The following SEC22B variants were observed in gnomAD, a reference collection of about 807,000 sequenced individuals.
The protein encoded by SEC22B is SEC22 homolog B, vesicle trafficking protein, also known as vesicle-trafficking protein SEC22b.
In SEC22B, 10 loss-of-function variants were observed where a neutral mutation model predicts 31.4. The ratio of observed to expected loss-of-function variants is 0.32; its 90% CI spans 0.20 to 0.54. The LOEUF (loss-of-function observed/expected upper bound fraction) is 0.54. Ranked by LOEUF, SEC22B falls within the 20% of genes least tolerant of loss-of-function variation. The probability of loss-of-function intolerance (pLI) is 0.94; values close to 1 mark genes in which losing one functional copy is unlikely to be tolerated. For missense variants in SEC22B, 130 were observed against 263.4 expected, an observed-to-expected ratio of 0.49 and a Z score of 3.50; for synonymous variants, 60 against 95.9, an observed-to-expected ratio of 0.63 and a Z score of 2.19.
intron 1 of SEC22B, among the ~76,000 whole-genome samples, chr1:120,171,822 TTATG>T (rs1319635573): frequency 6.9e-6 from 1 of 143,902 alleles, no homozygotes; most frequent in Non-Finnish European, 1.5e-5. Flanking sequence ...CATTTTGCTT[TTATG>T]TATTTACTGA....
At chr1:120,168,401 G>C (rs1206188206) in intron 2 of SEC22B, among the ~76,000 whole-genome samples, 1 of 151,894 alleles carries the variant, frequency 6.6e-6, no homozygotes, top group Non-Finnish European at 1.5e-5. Context: ...TCCCATGTGT[G>C]TCAGACAAGA....
chr1:120,166,728 G>A (rs1306232013), intron 2 of SEC22B, among the ~76,000 whole-genome samples: 5 of 149,938 alleles, frequency 3.3e-5, no homozygotes, highest in Admixed American at 3.3e-4. Context: ...CTGCAGAACT[G>A]TAGGGTGAAT....
chr1:120,176,104 A>G (rs1657956437), intron 1 of SEC22B, among the ~76,000 whole-genome samples: 2 of 152,238 alleles, frequency 1.3e-5, no homozygotes, highest in Non-Finnish European at 2.9e-5. Context: ...AACAGCTAAC[A>G]CAAAAAACTT....
rs1213284888 is a variant in SEC22B at position 120,163,571 on chromosome 1, C to CT, written c.186-202dup. On this transcript the variant is annotated intron_variant, in intron 2 of 4. Transcript: ENST00000578049. ...ATCTTCCCATTATTAGATGTATATTCTTTTTTTTTTCTTTTTTTTTTTGAG... is the reference window on the plus strand; with the variant it reads ...ATCTTCCCATTATTAGATGTATATTCTTTTTTTTTTTCTTTTTTTTTTTGAG... 3.1e-4 allele frequency among the ~76,000 whole-genome samples: 32 copies of CT among 102,574 alleles called. 6 individuals are homozygous for CT. The highest frequency in any genetic ancestry group is 1.4e-3 in the Admixed American group (17 of 11,836). The allele number at this position is 102,574 out of a possible 152,430, so 67.3% of individuals were successfully genotyped here.
intron 1 of SEC22B, among the ~76,000 whole-genome samples, chr1:120,173,328 A>C (rs1166021455): frequency 7.4e-5 from 1 of 13,462 alleles, no homozygotes; most frequent in Admixed American, 6.8e-4. Flanking sequence ...ACAGAAAGGT[A>C]GATAAAGAAA....
intron 1 of SEC22B, among the ~76,000 whole-genome samples, chr1:120,169,926 A>T (rs1250946116): frequency 6.6e-6 from 1 of 150,968 alleles, no homozygotes; most frequent in Non-Finnish European, 1.5e-5. Flanking sequence ...AAGAAGTGGG[A>T]CCTTTGGGAG....
intron 1 of SEC22B, among the ~76,000 whole-genome samples, chr1:120,170,341 TTGA>T (rs1462124146): frequency 7.0e-6 from 1 of 142,860 alleles, no homozygotes; most frequent in African/African-American, 2.9e-5. Flanking sequence ...AGGTCTAACT[TTGA>T]TAAAGTACAA....
chr1:120,163,576 T>C (rs1210920332), intron 2 of SEC22B, among the ~76,000 whole-genome samples: 3 of 133,100 alleles, frequency 2.3e-5, no homozygotes, highest in Non-Finnish European at 4.5e-5. Flanking sequence ...ATATTCTTTT[T>C]TTTTTCTTTT....
chr1:120,167,098 G>T (rs1259934124), intron 2 of SEC22B, among the ~76,000 whole-genome samples: 21 of 150,576 alleles, frequency 1.4e-4, no homozygotes, highest in African/African-American at 4.2e-4. Context: ...TAATAATACA[G>T]CTGTCTTATT....
chr1:120,160,465 T>C lies in SEC22B; in HGVS notation c.412A>G (p.Ile138Val). 6.2e-7 allele frequency: 1 copy of C among 1,611,910 alleles called. No homozygotes were observed. Among genetic ancestry groups the C allele is most frequent in the Non-Finnish European group, 8.5e-7 (1 of 1,178,676 alleles). Residue 138 changes from isoleucine (I) to valine (V), a missense_variant, in exon 4 of 5, where the codon ATC becomes GTC. Ile to Val is a conservative substitution (Grantham distance 29, BLOSUM62 3). Coordinates refer to ENST00000578049, the MANE Select transcript of SEC22B (RefSeq NM_004892.6). ...DSRARRNLGS[I>V]NTELQDVQRI... The stretch of plus-strand genomic sequence containing the variant: ...TGCACATCTTGCAATTCAGTGTTGA[T>C]GGAGCCTAGATTTCTTCGAGCACGA...
At chr1:120,168,585 G>A (rs1380890979) in intron 2 of SEC22B, among the ~76,000 whole-genome samples, 1 of 150,948 alleles carries the variant, frequency 6.6e-6, no homozygotes, top group Non-Finnish European at 1.5e-5. Context: ...CTCCAAGACA[G>A]TCCTAAAGCA....
In SEC22B at chr1:120,161,418, C is replaced by G. The variant is rs1413299133; in HGVS notation, c.347-888G>C. ...AAACTGAACTGAAGTCTCGGCCAGGCACTGTGTCTCACACGTATAAATCCC... is the reference window on the plus strand; with the variant it reads ...AAACTGAACTGAAGTCTCGGCCAGGGACTGTGTCTCACACGTATAAATCCC... On this transcript the variant is annotated intron_variant, in intron 3 of 4. Coordinates refer to ENST00000578049, the MANE Select transcript of SEC22B (RefSeq NM_004892.6). Among the ~76,000 whole-genome samples, 3 of 149,756 alleles carry G rather than the reference C, an allele frequency of 2.0e-5. No homozygotes were observed. In the East Asian group the frequency reaches 5.9e-4, roughly 29 times the overall value.
intron 3 of SEC22B, among the ~76,000 whole-genome samples, chr1:120,161,077 T>C (rs1657708789): frequency 6.6e-6 from 1 of 152,176 alleles, no homozygotes; most frequent in African/African-American, 2.4e-5. Flanking sequence ...GAATTAGAAG[T>C]ATTTGCTATC....
intron 2 of SEC22B, among the ~76,000 whole-genome samples, chr1:120,166,983 T>C (rs1237115620): frequency 7.3e-6 from 1 of 137,120 alleles, no homozygotes; most frequent in Non-Finnish European, 1.5e-5. Context: ...CAAAGCATTA[T>C]ATATACTCCC....
intron 2 of SEC22B, among the ~76,000 whole-genome samples, chr1:120,164,689 A>T (rs1391590544): frequency 6.6e-6 from 1 of 152,252 alleles, no homozygotes; most frequent in Non-Finnish European, 1.5e-5. Flanking sequence ...ACCTAGGTTG[A>T]TATCTTTGCT....
At chr1:120,165,991 T>C (rs1167057871) in intron 2 of SEC22B, among the ~76,000 whole-genome samples, 4 of 150,768 alleles carry the variant, frequency 2.7e-5, no homozygotes, top group Non-Finnish European at 5.9e-5. Flanking sequence ...AGGAACAGAA[T>C]TGACATTTCT....
intron 4 of SEC22B, chr1:120,157,405 T>C: frequency 2.8e-6 from 1 of 351,384 alleles, no homozygotes; most frequent in Non-Finnish European, 5.1e-6. Flanking sequence ...TGGTTAGAAG[T>C]GCAGGTTCTG....
chr1:120,157,820 G>A (rs1386875925), intron 4 of SEC22B: 1 of 151,612 alleles, frequency 6.6e-6, no homozygotes, highest in Non-Finnish European at 1.5e-5. Context: ...TGAAGTTAAA[G>A]CTATCAGGAT....
At position 120,160,386 on chromosome 1, in the gene SEC22B, G is replaced by A; in HGVS notation, c.491C>T (p.Ser164Leu). ...EEVLQRGEAL[S>L]ALDSKANNLS... ...TAAGACTCATTGCTTTTAGATACCT[G>A]AGAGTGCTTCTCCTCGTTGTAACAC... is the stretch of plus-strand genomic sequence containing the variant. Residue 164 changes from serine (S) to leucine (L), a missense_variant and splice_region_variant, in exon 4 of 5, where the codon TCA (serine) becomes TTA (leucine). By Grantham distance (145) the Ser-to-Leu change is moderately radical. Coordinates refer to ENST00000578049, the MANE Select transcript of SEC22B (RefSeq NM_004892.6). The A allele has an allele frequency of 6.2e-7, 1 of 1,608,912 alleles. No individual in the cohort carries two copies. The highest frequency in any genetic ancestry group is 8.5e-7 in the Non-Finnish European group (1 of 1,177,496).
Sources: allele counts gnomAD v4.1 joint callset (sites outside exome capture counted in the v4.1 genomes callset), GRCh38; gene constraint gnomAD v4.1.1; transcripts MANE v1.5; gene names NCBI Gene and HGNC (gene_info 2026-07-23, HGNC 2026-07-21).